COL22A1: variants seen among roughly 807,000 people sequenced by gnomAD.
COL22A1 encodes the protein collagen type XXII alpha 1 chain.
A neutral mutation model predicts 248.9 loss-of-function variants in COL22A1; 221 were observed. The observed-to-expected ratio is 0.89, with a 90% confidence interval of 0.80 to 0.99. The LOEUF is 0.99. COL22A1 is among the 50% of genes least tolerant of loss of function. COL22A1 has a pLI of 0.00. For synonymous variants in COL22A1, 891 were observed against 793.4 expected, an observed-to-expected ratio of 1.12 and a Z score of -2.07; for missense variants, 2,240 against 2,179.0, an observed-to-expected ratio of 1.03 and a Z score of -0.56.
At chr8:138,837,511 G>A (rs76844704) in intron 4 of COL22A1, among the ~76,000 whole-genome samples, 1,936 of 152,336 alleles carry the variant, frequency 0.013, 31 homozygotes, top group African/African-American at 0.044. Flanking sequence ...GCATCGCCTG[G>A]GGACAGAAGC....
rs573018295 is a variant in COL22A1 at position 138,872,492 on chromosome 8, CCTT to C, written c.658+5255_658+5257del. Among the ~76,000 whole-genome samples, 772 of 152,328 alleles carry C rather than the reference CCTT, an allele frequency of 5.1e-3. 5 individuals are homozygous for C. The highest frequency in any genetic ancestry group is 0.017 in the African/African-American group (726 of 41,572). On this transcript the variant is annotated intron_variant, in intron 3 of 64. Transcript: ENST00000303045. ...TCCTCAAAATAGAAGTAGGTGGAGG[CCTT>C]CTCGGCTGTGGCCAGCTGGCATTCC...
At chr8:138,726,935 G>T (rs1830362528) in intron 23 of COL22A1, among the ~76,000 whole-genome samples, 4 of 152,194 alleles carry the variant, frequency 2.6e-5, no homozygotes, top group Admixed American at 2.6e-4. Context: ...GCAGCCTGCA[G>T]TCTGGGGTGA....
At chr8:138,605,004 G>A (rs12549170) in intron 58 of COL22A1, among the ~76,000 whole-genome samples, 88,874 of 151,934 alleles carry the variant, frequency 0.58, 30,730 homozygotes, top group Middle Eastern at 0.81. Context: ...CTTGTCAATG[G>A]GATGGATATG....
intron 1 of COL22A1, among the ~76,000 whole-genome samples, chr8:138,901,203 T>C (rs940589401): frequency 4.0e-5 from 6 of 149,890 alleles, no homozygotes; most frequent in African/African-American, 1.5e-4. Flanking sequence ...CTCCTCTTAG[T>C]TGGGGGACAC....
At chr8:138,843,566 C>T (rs984135632) in intron 4 of COL22A1, among the ~76,000 whole-genome samples, 4 of 152,154 alleles carry the variant, frequency 2.6e-5, no homozygotes, top group Non-Finnish European at 4.4e-5. Context: ...GGAACCACCT[C>T]GGCCATACCC....
At chr8:138,900,456 T>G (rs1814466839) in intron 1 of COL22A1, among the ~76,000 whole-genome samples, 1 of 152,248 alleles carries the variant, frequency 6.6e-6, no homozygotes, top group South Asian at 2.1e-4. Context: ...AGACCTGTTT[T>G]CCGAACCTCC....
chr8:138,780,028 C>T (rs1814815941), intron 13 of COL22A1, among the ~76,000 whole-genome samples: 1 of 152,160 alleles, frequency 6.6e-6, no homozygotes, highest in Non-Finnish European at 1.5e-5. Flanking sequence ...TCCCAAATAG[C>T]TGGGATTATA....
At chr8:138,677,983 C>A (rs555358820) in intron 40 of COL22A1, among the ~76,000 whole-genome samples, 8 of 152,288 alleles carry the variant, frequency 5.3e-5, no homozygotes, top group African/African-American at 1.9e-4. Context: ...AGGTAGAACT[C>A]GATATTGCTA....
At chr8:138,757,447 CATA>C (rs966500045) in intron 18 of COL22A1, among the ~76,000 whole-genome samples, 4 of 143,860 alleles carry the variant, frequency 2.8e-5, no homozygotes, top group African/African-American at 1.0e-4. Context: ...TTGTATTTCT[CATA>C]ATATTATTAT....
chr8:138,705,465 G>C (rs1325430515), intron 30 of COL22A1, among the ~76,000 whole-genome samples: 1 of 152,178 alleles, frequency 6.6e-6, no homozygotes, highest in African/African-American at 2.4e-5. Flanking sequence ...GAAGAGAGTA[G>C]GGGCCAATAT....
chr8:138,753,537 C>T (rs544396125), intron 21 of COL22A1, among the ~76,000 whole-genome samples: 3 of 152,272 alleles, frequency 2.0e-5, no homozygotes, highest in South Asian at 2.1e-4. Flanking sequence ...CAAGACCATC[C>T]GCATGTCCTG....
At chr8:138,680,834 A>G (rs1209776229) in intron 39 of COL22A1, among the ~76,000 whole-genome samples, 2 of 152,214 alleles carry the variant, frequency 1.3e-5, no homozygotes, top group Non-Finnish European at 2.9e-5. Context: ...CATTTACACA[A>G]TATCAACACT....
At chr8:138,759,381 T>C (rs1032862145) in intron 18 of COL22A1, among the ~76,000 whole-genome samples, 2 of 152,202 alleles carry the variant, frequency 1.3e-5, no homozygotes, top group Admixed American at 6.5e-5. Flanking sequence ...GTCTCAGCCG[T>C]CTGAGCTGAG....
chr8:138,619,305 A>C, intron 53 of COL22A1, 150 bp downstream of exon 53: 1 of 655,864 alleles, frequency 1.5e-6, no homozygotes, highest in South Asian at 2.0e-5. Flanking sequence ...GGCAAAGCTG[A>C]ATTGACCGCA....
intron 7 of COL22A1, 94 bp downstream of exon 7, chr8:138,821,042 C>T: frequency 7.4e-7 from 1 of 1,351,294 alleles, no homozygotes; most frequent in Non-Finnish European, 1.0e-6. Flanking sequence ...GTACCTGGTT[C>T]ATGCAGGTGT....
At position 138,794,906 on chromosome 8, in the gene COL22A1, G is replaced by A. The variant is rs571347082; in HGVS notation, c.1596+1913C>T. On this transcript the variant is annotated intron_variant, in intron 12 of 64. Transcript: ENST00000303045. The stretch of plus-strand genomic sequence containing the variant: ...GAAAAGTAGCTTCCAGGGGTTGGGG[G>A]AGAGGAAATGGGGAGATGCCAATTA... Among the ~76,000 whole-genome samples the A allele has an allele frequency of 8.5e-5, 13 of 152,202 alleles. No individual in the cohort carries two copies. The South Asian group carries it at 2.7e-3, about 32-fold the overall frequency.
intron 25 of COL22A1, among the ~76,000 whole-genome samples, chr8:138,723,512 G>A (rs115039579): frequency 0.015 from 2,259 of 152,196 alleles, 54 homozygotes; most frequent in African/African-American, 0.052. Context: ...CCTCTAACAC[G>A]CTCCCCTCCT....
At chr8:138,855,558 C>A (rs533393002) in intron 3 of COL22A1, among the ~76,000 whole-genome samples, 4 of 152,160 alleles carry the variant, frequency 2.6e-5, no homozygotes, top group African/African-American at 7.2e-5. Context: ...CAAAGCCAGC[C>A]GGGAAACTCC....
intron 39 of COL22A1, 100 bp from the exon 40 acceptor site, chr8:138,679,776 T>G (rs1825822590): frequency 9.4e-7 from 1 of 1,064,450 alleles, no homozygotes; most frequent in Non-Finnish European, 1.5e-6. Context: ...TCTATGCATC[T>G]CTGTATCCAC....
Sources: allele counts gnomAD v4.1 joint callset (sites outside exome capture counted in the v4.1 genomes callset), GRCh38; gene constraint gnomAD v4.1.1; transcripts MANE v1.5; gene names NCBI Gene and HGNC (gene_info 2026-07-23, HGNC 2026-07-21).